The following MARCHF10 variants were observed in gnomAD, a reference collection of about 807,000 sequenced individuals.
MARCHF10 encodes the protein membrane associated ring-CH-type finger 10.
In MARCHF10, 64 loss-of-function variants were observed where a neutral mutation model predicts 76.2. That is an observed-to-expected ratio of 0.84 (90% CI 0.69 to 1.03). The LOEUF (loss-of-function observed/expected upper bound fraction) is 1.03. Among genes scored for constraint, MARCHF10 ranks in the 50% least tolerant of loss-of-function variants. The pLI is 0.00. For missense variants in MARCHF10, 875 were observed against 958.0 expected, an observed-to-expected ratio of 0.91 and a Z score of 1.14; for synonymous variants, 340 against 357.5, an observed-to-expected ratio of 0.95 and a Z score of 0.55.
intron 4 of MARCHF10, among the ~76,000 whole-genome samples, chr17:62,748,062 A>G (rs2091768318): frequency 6.6e-6 from 1 of 152,204 alleles, no homozygotes; most frequent in African/African-American, 2.4e-5. Flanking sequence ...GCAGTCACAA[A>G]TGAGGTGACC....
intron 3 of MARCHF10, among the ~76,000 whole-genome samples, chr17:62,784,937 T>C (rs1189806200): frequency 6.6e-6 from 1 of 151,936 alleles, no homozygotes; most frequent in Non-Finnish European, 1.5e-5. Flanking sequence ...ATCATGAAAA[T>C]TGGCCATATT....
chr17:62,802,884 C>T (rs866583535), intron 1 of MARCHF10, among the ~76,000 whole-genome samples: 1 of 152,196 alleles, frequency 6.6e-6, no homozygotes, highest in African/African-American at 2.4e-5. Context: ...GGTCATGATT[C>T]AAAGAGTCAT....
intron 3 of MARCHF10, among the ~76,000 whole-genome samples, chr17:62,770,896 C>T (rs944307241): frequency 3.2e-5 from 4 of 126,026 alleles, no homozygotes; most frequent in Non-Finnish European, 6.2e-5. Flanking sequence ...CACTCTGTCT[C>T]CCAGGCTAGA....
At chr17:62,741,240 T>C (rs1257062767) in intron 5 of MARCHF10, among the ~76,000 whole-genome samples, 1 of 152,236 alleles carries the variant, frequency 6.6e-6, no homozygotes, top group African/African-American at 2.4e-5. Context: ...GTTGGGTATA[T>C]AGGTTGTTTT....
chr17:62,784,265 A>G (rs1304196739), intron 3 of MARCHF10, among the ~76,000 whole-genome samples: 1 of 152,238 alleles, frequency 6.6e-6, no homozygotes, highest in African/African-American at 2.4e-5. Context: ...AGAACCAATG[A>G]CAAAAACCAC....
chr17:62,807,504 TC>T (rs766412682), intron 1 of MARCHF10, among the ~76,000 whole-genome samples: 7 of 152,084 alleles, frequency 4.6e-5, no homozygotes, highest in Non-Finnish European at 7.4e-5. Flanking sequence ...ATTGGGAAAC[TC>T]TGGGGGAGGA....
chr17:62,805,005 T>C (rs996367028), intron 1 of MARCHF10: 2 of 152,182 alleles, frequency 1.3e-5, no homozygotes, highest in Non-Finnish European at 2.9e-5. Flanking sequence ...ACCCAGCGTC[T>C]GGTCTGGTAG....
At chr17:62,723,019 T>C (rs1263337227) in intron 7 of MARCHF10, among the ~76,000 whole-genome samples, 1 of 151,242 alleles carries the variant, frequency 6.6e-6, no homozygotes, top group African/African-American at 2.4e-5. Context: ...CCAAAATAGA[T>C]GGCAGAAGCT....
chr17:62,740,081 T>TGTGCGC (rs1555696763), intron 5 of MARCHF10, among the ~76,000 whole-genome samples: 15 of 83,396 alleles, frequency 1.8e-4, no homozygotes, highest in African/African-American at 4.5e-4. Flanking sequence ...TGTGTGTGTG[T>TGTGCGC]GCGTGTGTGT....
At chr17:62,786,168 G>T (rs2092742504) in intron 3 of MARCHF10, among the ~76,000 whole-genome samples, 2 of 152,152 alleles carry the variant, frequency 1.3e-5, no homozygotes, top group African/African-American at 4.8e-5. Context: ...TTAAGAAAAT[G>T]TGGCACATAT....
intron 4 of MARCHF10, among the ~76,000 whole-genome samples, chr17:62,749,775 C>T (rs947079607): frequency 6.6e-6 from 1 of 152,180 alleles, no homozygotes; most frequent in Admixed American, 6.5e-5. Flanking sequence ...TGTCCCTCCT[C>T]CGAGTGGTTC....
intron 10 of MARCHF10, chr17:62,705,317 G>A: frequency 2.0e-6 from 3 of 1,469,948 alleles, no homozygotes; most frequent in Non-Finnish European, 2.7e-6. Context: ...CTTTCCTTGC[G>A]TTCAGGATGA....
Position 62,738,953 on chromosome 17 carries a change from T to C in MARCHF10, c.536-1621A>G, listed in dbSNP as rs1479365059. Among the ~76,000 whole-genome samples, 1 of 152,194 alleles carries C rather than the reference T, an allele frequency of 6.6e-6. No homozygotes were observed. Among genetic ancestry groups the C allele is most frequent in the Non-Finnish European group, 1.5e-5 (1 of 68,028 alleles). ...CTCCAGACTGGGCCGACCCCCATTT[T>C]GGGAACAAATGCTTCTACGTAAGCA... On this transcript the variant is annotated intron_variant, in intron 5 of 10. Transcript: ENST00000311269. This position sits in a 1 kb window ranked among gnomAD's most constrained non-coding sequence, Gnocchi z 4.0.
intron 2 of MARCHF10, chr17:62,794,961 A>C: frequency 1.0e-3 from 779 of 749,246 alleles, no homozygotes; most frequent in Non-Finnish European, 1.2e-3. Context: ...TTGAGATAGT[A>C]TTCCCCTCCA....
At position 62,736,907 on chromosome 17, in the gene MARCHF10, C is replaced by T; in HGVS notation, c.961G>A (p.Gly321Arg). 2 of 1,614,026 alleles carry T rather than the reference C, an allele frequency of 1.2e-6. No homozygotes were observed. Among genetic ancestry groups the T allele is most frequent in the Non-Finnish European group, 1.7e-6 (2 of 1,179,982 alleles). Reference protein sequence around the residue: ...PSHHKRSRFGGTSTPQAKNKN... With the variant: ...PSHHKRSRFGRTSTPQAKNKN... ...TTTTTGGCCTGAGGGGTCGATGTCC[C>T]CCCAAATCTACTTCTTTTGTGATGG... is the stretch of plus-strand genomic sequence containing the variant. The change falls in exon 6 of 11, where the codon GGG becomes AGG. Residue 321 changes from glycine to arginine, a missense_variant. By Grantham distance (125) the Gly-to-Arg change is moderately radical. Coordinates refer to ENST00000311269, the MANE Select transcript of MARCHF10 (RefSeq NM_152598.4).
At chr17:62,702,692 GAAAA>G (rs1041488760) in intron 10 of MARCHF10, among the ~76,000 whole-genome samples, 2 of 151,962 alleles carry the variant, frequency 1.3e-5, no homozygotes, top group African/African-American at 4.8e-5. Flanking sequence ...AAAGAAAAAA[GAAAA>G]GAAAGAAAGT....
intron 4 of MARCHF10, among the ~76,000 whole-genome samples, chr17:62,748,066 G>A (rs993886608): frequency 3.3e-5 from 5 of 152,140 alleles, no homozygotes; most frequent in Non-Finnish European, 7.3e-5. Context: ...TCACAAATGA[G>A]GTGACCTAGA....
chr17:62,808,285 T>G lies in MARCHF10; in HGVS notation c.-226A>C, dbSNP rs1300674945. 1 of 152,340 alleles carries G rather than the reference T, an allele frequency of 6.6e-6. No homozygotes were observed. The highest frequency in any genetic ancestry group is 1.5e-5 in the Non-Finnish European group (1 of 68,194). The allele number at this position is 152,340 out of a possible 1,614,324, so 9.4% of individuals were successfully genotyped here. A position where few individuals can be genotyped will look rare whatever the true frequency, so the allele number is the denominator to read the frequency against. On this transcript the variant is annotated 5_prime_UTR_variant, in exon 1 of 11. Transcript: ENST00000311269. The stretch of plus-strand genomic sequence containing the variant: ...CTGCTTTCCGCGGCGCCGGCCGGCC[T>G]TGCCTGGGGCGGAGGCGGTGGGGGC...
At chr17:62,767,217 A>G (rs571358324) in intron 3 of MARCHF10, among the ~76,000 whole-genome samples, 1 of 152,320 alleles carries the variant, frequency 6.6e-6, no homozygotes, top group African/African-American at 2.4e-5. Context: ...TAGTACTTAC[A>G]ATTTAGCTAT....
Sources: gnomAD v4.1 joint callset for allele counts (sites outside exome capture counted in the v4.1 genomes callset) on GRCh38, gnomAD v4.1.1 for gene constraint, Gnocchi (gnomAD v3.1) non-coding constraint, MANE v1.5 for transcripts, NCBI Gene and HGNC (gene_info 2026-07-23, HGNC 2026-07-21) for gene names.